COL26A1: variants seen among roughly 807,000 people sequenced by gnomAD.
COL26A1 encodes collagen type XXVI alpha 1 chain, also known as collagen alpha-1(XXVI) chain.
COL26A1 carries 41 observed loss-of-function variants against 59.3 expected under a neutral mutation model. The ratio of observed to expected loss-of-function variants is 0.69; its 90% CI spans 0.54 to 0.90. COL26A1 has a LOEUF of 0.90. Among genes scored for constraint, COL26A1 ranks in the 40% least tolerant of loss-of-function variants. The probability of loss-of-function intolerance (pLI) is 0.00; values close to 1 mark genes in which losing one functional copy is unlikely to be tolerated. For missense variants in COL26A1, 612 were observed against 602.3 expected, an observed-to-expected ratio of 1.02 and a Z score of -0.17; for synonymous variants, 266 against 256.0, an observed-to-expected ratio of 1.04 and a Z score of -0.37.
At chr7:101,420,447 C>A (rs1258592105) in intron 2 of COL26A1, among the ~76,000 whole-genome samples, 1 of 152,058 alleles carries the variant, frequency 6.6e-6, no homozygotes, top group Admixed American at 6.6e-5. Context: ...CAGGCTGGAA[C>A]GAGGGGCTAC....
At chr7:101,381,300 C>G (rs115504423) in intron 1 of COL26A1, among the ~76,000 whole-genome samples, 1,973 of 152,190 alleles carry the variant, frequency 0.013, 36 homozygotes, top group African/African-American at 0.045. Flanking sequence ...ACCTTTCTTT[C>G]TGATACCTCC....
upstream of COL26A1, chr7:101,362,778 G>A (rs986706904): frequency 1.2e-5 from 6 of 511,310 alleles, no homozygotes; most frequent in African/African-American, 1.0e-4. Flanking sequence ...CCTCGGCCCC[G>A]GACCGCCGAG....
intron 2 of COL26A1, among the ~76,000 whole-genome samples, chr7:101,444,098 G>A (rs1033034868): frequency 6.6e-6 from 1 of 151,524 alleles, no homozygotes; most frequent in African/African-American, 2.4e-5. Flanking sequence ...GGCTGGTCTC[G>A]AACTTCTGAC....
At chr7:101,448,451 G>A (rs1793253246) in intron 3 of COL26A1, among the ~76,000 whole-genome samples, 1 of 152,110 alleles carries the variant, frequency 6.6e-6, no homozygotes, top group Non-Finnish European at 1.5e-5. Flanking sequence ...AGCATGGCTG[G>A]ATGGGTCTGG....
chr7:101,493,015 C>T (rs560457867), intron 3 of COL26A1, among the ~76,000 whole-genome samples: 2 of 152,258 alleles, frequency 1.3e-5, no homozygotes, highest in South Asian at 4.1e-4. Context: ...TGTGAGCCAC[C>T]ACACCTGGCC....
intron 10 of COL26A1, 121 bp from the exon 11 acceptor site, chr7:101,553,204 GT>G: frequency 3.6e-6 from 3 of 836,252 alleles, no homozygotes; most frequent in Non-Finnish European, 3.9e-6. Flanking sequence ...CCCAGCACCC[GT>G]TTCCCAGGCC....
intron 11 of COL26A1, among the ~76,000 whole-genome samples, chr7:101,555,212 C>T (rs538377548): frequency 7.9e-5 from 12 of 152,098 alleles, no homozygotes; most frequent in East Asian, 3.9e-4. Context: ...GTGTGCAGAC[C>T]GGGCCCTTGA....
At chr7:101,495,939 A>T (rs1398468279) in intron 3 of COL26A1, among the ~76,000 whole-genome samples, 2 of 84,586 alleles carry the variant, frequency 2.4e-5, no homozygotes, top group African/African-American at 2.3e-4. Flanking sequence ...ACAAAAAATA[A>T]AAAAAATTAG....
chr7:101,553,385 G>A lies in COL26A1; in HGVS notation c.1080+9G>A. On this transcript the variant is annotated intron_variant, in intron 11 of 12. Transcript: ENST00000313669. ...AAGCCGCCACTGCAGAGGTAACCAT[G>A]GCTGCCCTTCACGTTCCCTCCCGCC... 6.2e-7 allele frequency: 1 copy of A among 1,613,338 alleles called. No individual in the cohort carries two copies. Among genetic ancestry groups the A allele is most frequent in the Non-Finnish European group, 8.5e-7 (1 of 1,179,552 alleles).
intron 4 of COL26A1, 91 bp from the exon 5 acceptor site, chr7:101,539,802 C>T (rs1194909009): frequency 7.6e-7 from 1 of 1,319,924 alleles, no homozygotes; most frequent in East Asian, 2.5e-5. Flanking sequence ...CTGCAGGTCT[C>T]ATGGGGTGCA....
At chr7:101,504,510 G>A (rs1794766944) in intron 3 of COL26A1, among the ~76,000 whole-genome samples, 1 of 152,074 alleles carries the variant, frequency 6.6e-6, no homozygotes, top group Non-Finnish European at 1.5e-5. Flanking sequence ...CTTCCGCCTC[G>A]CTCCTCTCCA....
rs368433793 is a variant in COL26A1 at position 101,488,349 on chromosome 7, A to AATATAT, written c.385+40586_385+40591dup. Among the ~76,000 whole-genome samples, 318 of 104,930 alleles carry AATATAT rather than the reference A, an allele frequency of 3.0e-3. 3 individuals carry two copies. Among genetic ancestry groups the AATATAT allele is most frequent in the South Asian group, 0.012 (39 of 3,242 alleles). The allele number at this position is 104,930 out of a possible 152,430, so 68.8% of individuals were successfully genotyped here. A position where few individuals can be genotyped will look rare whatever the true frequency, so the allele number is the denominator to read the frequency against. The stretch of plus-strand genomic sequence containing the variant: ...TTTTAATCCGTTTTTAATTTTATTT[A>AATATAT]ATATATATATATATATATATATATA... On this transcript the variant is annotated intron_variant, in intron 3 of 12. Coordinates refer to ENST00000313669, the MANE Select transcript of COL26A1 (RefSeq NM_001278563.3).
intron 6 of COL26A1, 131 bp downstream of exon 6, chr7:101,544,227 CT>C (rs1040763963): frequency 9.4e-3 from 5,238 of 556,050 alleles, no homozygotes; most frequent in South Asian, 0.015. Context: ...AAAACGGGGT[CT>C]TTTTTTTTTA....
At chr7:101,426,250 C>G (rs748775014) in intron 2 of COL26A1, among the ~76,000 whole-genome samples, 1 of 152,156 alleles carries the variant, frequency 6.6e-6, no homozygotes, top group South Asian at 2.1e-4. Context: ...CCTGGGAGCA[C>G]TTTGAGGCAG....
chr7:101,362,993 C>A lies in COL26A1; in HGVS notation c.-40C>A. 1 of 1,542,898 alleles carries A rather than the reference C, an allele frequency of 6.5e-7. No individual in the cohort carries two copies. Among genetic ancestry groups the A allele is most frequent in the Non-Finnish European group, 8.7e-7 (1 of 1,153,936 alleles). On this transcript the variant is annotated 5_prime_UTR_variant, in exon 1 of 13. Transcript: ENST00000313669. ...GCGCCGGTGCGCTCCTGCCGGTCCT[C>A]GTGCCCGGGACTCCGGGTCCCCGCG...
intron 1 of COL26A1, among the ~76,000 whole-genome samples, chr7:101,396,022 T>C (rs1354881577): frequency 6.6e-5 from 10 of 152,016 alleles, no homozygotes; most frequent in African/African-American, 2.2e-4. Flanking sequence ...TTTTGGGAGG[T>C]TGCAGTGGGA....
intron 3 of COL26A1, among the ~76,000 whole-genome samples, chr7:101,458,804 CTTT>C (rs35208249): frequency 7.1e-6 from 1 of 140,426 alleles, no homozygotes. Context: ...AAACCTGGGT[CTTT>C]TTTTTTTTTT....
chr7:101,555,757 C>G, intron 11 of COL26A1, 30 bp from the exon 12 acceptor site: 1 of 1,577,382 alleles, frequency 6.3e-7, no homozygotes, highest in Non-Finnish European at 8.6e-7. Context: ...TCATGGCCGG[C>G]CCTGACCCTG....
intron 1 of COL26A1, among the ~76,000 whole-genome samples, chr7:101,417,829 C>T (rs2130266235): frequency 6.6e-6 from 1 of 152,024 alleles, no homozygotes; most frequent in East Asian, 1.9e-4. Context: ...TCAAGTGATT[C>T]TCCCGTCTCA....
Sources: gnomAD v4.1 joint callset for allele counts (sites outside exome capture counted in the v4.1 genomes callset) on GRCh38, gnomAD v4.1.1 for gene constraint, MANE v1.5 for transcripts, NCBI Gene and HGNC (gene_info 2026-07-23, HGNC 2026-07-21) for gene names.